Variants in SPATS2L observed in about 807,000 individuals in gnomAD.
SPATS2L encodes the protein spermatogenesis associated serine rich 2 like, also known as SPATS2-like protein.
In SPATS2L, 30 loss-of-function variants were observed where a neutral mutation model predicts 59.6. The ratio of observed to expected loss-of-function variants is 0.50; its 90% CI spans 0.38 to 0.68. SPATS2L has a LOEUF of 0.68. Ranked by LOEUF, SPATS2L falls within the 30% of genes least tolerant of loss-of-function variation. The pLI is 0.00. For synonymous variants in SPATS2L, 252 were observed against 263.5 expected, an observed-to-expected ratio of 0.96 and a Z score of 0.42; for missense variants, 615 against 700.0, an observed-to-expected ratio of 0.88 and a Z score of 1.37.
intron 8 of SPATS2L, among the ~76,000 whole-genome samples, chr2:200,458,438 T>G (rs1459440672): frequency 6.6e-6 from 1 of 152,186 alleles, no homozygotes; most frequent in Non-Finnish European, 1.5e-5. Context: ...ACAATACACT[T>G]ATCAAGTGTT....
At chr2:200,308,896 T>A (rs2079108867) in intron 1 of SPATS2L, 1 of 605,578 alleles carries the variant, frequency 1.7e-6, no homozygotes, top group South Asian at 2.1e-5. Flanking sequence ...GGGAGCCCCC[T>A]AATGAAAGTC....
intron 3 of SPATS2L, chr2:200,389,683 G>A (rs1336788540): frequency 6.1e-6 from 1 of 164,352 alleles, no homozygotes; most frequent in Non-Finnish European, 1.3e-5. Flanking sequence ...ACATCTAAGA[G>A]CAAGGGTATT....
intron 2 of SPATS2L, among the ~76,000 whole-genome samples, chr2:200,333,326 C>T (rs1182354896): frequency 7.6e-6 from 1 of 131,012 alleles, no homozygotes; most frequent in East Asian, 2.4e-4. Context: ...CACAAGATTA[C>T]ATAGCAGTCT....
intron 2 of SPATS2L, among the ~76,000 whole-genome samples, chr2:200,354,437 G>A (rs558671900): frequency 1.1e-4 from 17 of 152,150 alleles, no homozygotes; most frequent in South Asian, 8.3e-4. Context: ...GTGAAATCCC[G>A]TCTCTACTAA....
chr2:200,451,456 A>G (rs2085438312), intron 8 of SPATS2L, among the ~76,000 whole-genome samples: 2 of 152,212 alleles, frequency 1.3e-5, no homozygotes, highest in Admixed American at 6.5e-5. Flanking sequence ...TCTGTATACT[A>G]AAGATGAGGA....
rs529452411 is a variant in SPATS2L at position 200,481,673 on chromosome 2, A to G, written c.*3642A>G. The G allele has an allele frequency of 6.6e-6, 1 of 152,420 alleles. No homozygotes were observed. The highest frequency in any genetic ancestry group is 1.9e-4 in the East Asian group (1 of 5,182). 9.4% of individuals were successfully genotyped at this position (152,420 alleles called of 1,614,324 possible). On this transcript the variant is annotated 3_prime_UTR_variant, in exon 13 of 13. Transcript: ENST00000409140. The stretch of plus-strand genomic sequence containing the variant: ...AGCATCCAATGACCTATGTAACGGC[A>G]CCCTTTTTTGCTGTACGCGTTTTTT...
intron 1 of SPATS2L, among the ~76,000 whole-genome samples, chr2:200,320,571 T>A (rs1028174137): frequency 1.6e-4 from 24 of 152,224 alleles, no homozygotes; most frequent in African/African-American, 5.5e-4. Context: ...CTGAGGCATG[T>A]CCTAACAGTG....
intron 3 of SPATS2L, among the ~76,000 whole-genome samples, chr2:200,404,892 C>G (rs1403296210): frequency 2.0e-5 from 3 of 152,264 alleles, no homozygotes; most frequent in African/African-American, 7.2e-5. Context: ...AAGCCTTTCT[C>G]TCATTGCATC....
chr2:200,437,790 A>G (rs1239324734), intron 6 of SPATS2L, among the ~76,000 whole-genome samples: 2 of 152,174 alleles, frequency 1.3e-5, no homozygotes, highest in South Asian at 2.1e-4. Flanking sequence ...TCATGAATGG[A>G]CTAATGTCTA....
In SPATS2L at chr2:200,408,629, G is replaced by A. The variant is rs139555137; in HGVS notation, c.40-3682G>A. Among the ~76,000 whole-genome samples, 478 of 152,334 alleles carry A rather than the reference G, an allele frequency of 3.1e-3. 2 individuals carry two copies. Among genetic ancestry groups the A allele is most frequent in the African/African-American group, 0.011 (441 of 41,584 alleles). On this transcript the variant is annotated intron_variant, in intron 3 of 12. Transcript: ENST00000409140. ...CTCAAAAGATGCACAGTATGAATGA[G>A]GAAATCTGTTAACGGCTCTTAACCA... is the stretch of plus-strand genomic sequence containing the variant.
chr2:200,462,040 G>A (rs1483324031), intron 9 of SPATS2L, among the ~76,000 whole-genome samples: 3 of 152,164 alleles, frequency 2.0e-5, no homozygotes, highest in African/African-American at 4.8e-5. Context: ...TATGAAATTT[G>A]TTGACATCTT....
At chr2:200,428,213 T>C (rs2083698012) in intron 6 of SPATS2L, among the ~76,000 whole-genome samples, 1 of 152,214 alleles carries the variant, frequency 6.6e-6, no homozygotes, top group Non-Finnish European at 1.5e-5. Context: ...TTCAGCCCCA[T>C]CTCTCCAAAT....
chr2:200,359,024 T>C (rs1020030080), intron 2 of SPATS2L, among the ~76,000 whole-genome samples: 1 of 151,958 alleles, frequency 6.6e-6, no homozygotes, highest in African/African-American at 2.4e-5. Flanking sequence ...ACACAAATTT[T>C]CTTTGAGGTT....
chr2:200,348,827 C>T (rs1207482488), intron 2 of SPATS2L, among the ~76,000 whole-genome samples: 2 of 151,408 alleles, frequency 1.3e-5, no homozygotes, highest in Non-Finnish European at 2.9e-5. Flanking sequence ...AGAGCTGGCC[C>T]TTGAAAGAAA....
intron 8 of SPATS2L, among the ~76,000 whole-genome samples, chr2:200,456,350 G>A (rs775261971): frequency 1.3e-4 from 20 of 152,304 alleles, no homozygotes; most frequent in Middle Eastern, 3.4e-3. Flanking sequence ...CCAGAGAAAC[G>A]GAAGCCTGGT....
At position 200,478,562 on chromosome 2, in the gene SPATS2L, C is replaced by T. The variant is rs140439561; in HGVS notation, c.*531C>T. 6.7e-3 allele frequency: 1,025 copies of T among 152,642 alleles called. 3 individuals are homozygous for T. Among genetic ancestry groups the T allele is most frequent in the Middle Eastern group, 0.017 (5 of 294 alleles). The allele number at this position is 152,642 out of a possible 1,614,324, so 9.5% of individuals were successfully genotyped here. Reference sequence around the variant, plus strand: ...GCTAGTTTCTTTTATTGATACCCACCTAGTTATTGAATGTACTGTTTAGTG... The same window carrying T: ...GCTAGTTTCTTTTATTGATACCCACTTAGTTATTGAATGTACTGTTTAGTG... On this transcript the variant is annotated 3_prime_UTR_variant, in exon 13 of 13. Coordinates refer to ENST00000409140, the MANE Select transcript of SPATS2L (RefSeq NM_001100423.2).
At chr2:200,383,402 C>CT (rs1237253497) in intron 2 of SPATS2L, among the ~76,000 whole-genome samples, 1 of 152,084 alleles carries the variant, frequency 6.6e-6, no homozygotes, top group Non-Finnish European at 1.5e-5. Flanking sequence ...GCTTATATTC[C>CT]TTTTTTTGTA....
At chr2:200,359,342 C>T (rs1036537340) in intron 2 of SPATS2L, among the ~76,000 whole-genome samples, 1 of 152,138 alleles carries the variant, frequency 6.6e-6, no homozygotes. Flanking sequence ...CTAACCAAAT[C>T]CAGTTTTTTT....
chr2:200,431,610 T>G (rs1242769136), intron 6 of SPATS2L, among the ~76,000 whole-genome samples: 1 of 152,244 alleles, frequency 6.6e-6, no homozygotes, highest in East Asian at 1.9e-4. Flanking sequence ...ATTCTATGTT[T>G]AATACATTCC....
Sources: gnomAD v4.1 joint callset for allele counts (sites outside exome capture counted in the v4.1 genomes callset) on GRCh38, gnomAD v4.1.1 for gene constraint, MANE v1.5 for transcripts, NCBI Gene and HGNC (gene_info 2026-07-23, HGNC 2026-07-21) for gene names.